Variants in PDE10A observed in about 807,000 individuals in gnomAD.
PDE10A encodes cAMP and cAMP-inhibited cGMP 3',5'-cyclic phosphodiesterase 10A.
In PDE10A, 39 loss-of-function variants were observed where a neutral mutation model predicts 97.7. The observed-to-expected ratio is 0.40, with a 90% CI of 0.31 to 0.52. The LOEUF (loss-of-function observed/expected upper bound fraction) is 0.52. Among genes scored for constraint, PDE10A ranks in the 20% least tolerant of loss-of-function variants. The pLI, the probability that PDE10A is intolerant of heterozygous loss-of-function variation, is 0.56. For synonymous variants in PDE10A, 371 were observed against 376.8 expected, an observed-to-expected ratio of 0.98 and a Z score of 0.18; for missense variants, 731 against 1,047.8, an observed-to-expected ratio of 0.70 and a Z score of 4.17.
rs184310670 is a variant in PDE10A at position 165,469,387 on chromosome 6, G to A, written c.1023+12928C>T. On this transcript the variant is annotated intron_variant, in intron 3 of 21. Transcript: ENST00000539869. ...ATGCTCAGGAAGCCAACATGCTTAGGAGTGACGCTCCACACGGGTTTCTGA... is the reference window on the plus strand; with the variant it reads ...ATGCTCAGGAAGCCAACATGCTTAGAAGTGACGCTCCACACGGGTTTCTGA... Among the ~76,000 whole-genome samples the A allele has an allele frequency of 3.7e-4, 57 of 152,316 alleles. 1 individual carries two copies. Among genetic ancestry groups the A allele is most frequent in the East Asian group, 2.5e-3 (13 of 5,176 alleles).
chr6:165,871,521 A>AT (rs1033608778), intron 1 of PDE10A, among the ~76,000 whole-genome samples: 3 of 152,140 alleles, frequency 2.0e-5, no homozygotes, highest in Non-Finnish European at 4.4e-5. Context: ...GGTGGCACCA[A>AT]TTTTTTCAAG....
intron 2 of PDE10A, among the ~76,000 whole-genome samples, chr6:165,497,287 C>T (rs983037779): frequency 6.6e-6 from 1 of 152,158 alleles, no homozygotes. Flanking sequence ...CATCCCATCA[C>T]CATCAGTGAG....
chr6:165,334,552 G>C (rs975416595), intron 21 of PDE10A, among the ~76,000 whole-genome samples: 3 of 152,226 alleles, frequency 2.0e-5, no homozygotes, highest in Admixed American at 2.0e-4. Flanking sequence ...TTTCTGGACA[G>C]GAAAGGACTT....
chr6:165,336,004 A>G, intron 21 of PDE10A, 119 bp downstream of exon 21: 1 of 829,268 alleles, frequency 1.2e-6, no homozygotes, highest in Non-Finnish European at 2.0e-6. Context: ...CCCTGAGCAC[A>G]ACAACTCGAC....
chr6:165,746,315 G>T (rs139003746), intron 1 of PDE10A, among the ~76,000 whole-genome samples: 1 of 152,212 alleles, frequency 6.6e-6, no homozygotes. Flanking sequence ...TGACACTTGC[G>T]TGGGGTACAT....
Position 165,403,729 on chromosome 6 carries a change from A to G in PDE10A, c.2077-7270T>C, listed in dbSNP as rs550953998. On this transcript the variant is annotated intron_variant, in intron 13 of 21. Transcript: ENST00000539869. ...AATCAAATACATACTCCACATACAT[A>G]CGGGGAACACTGAATAAGAGACCTG... 2.0e-5 allele frequency among the ~76,000 whole-genome samples: 3 copies of G among 152,296 alleles called. No homozygotes were observed. The East Asian group carries it at 5.8e-4, about 29-fold the overall frequency.
At chr6:165,665,331 C>A (rs765637690), upstream of PDE10A, among the ~76,000 whole-genome samples, 4 of 152,236 alleles carry the variant, frequency 2.6e-5, no homozygotes, top group Non-Finnish European at 5.9e-5. Flanking sequence ...CACCCGTGCT[C>A]AGGTGGCTGC....
intron 1 of PDE10A, among the ~76,000 whole-genome samples, chr6:165,957,730 A>G (rs1318151298): frequency 6.6e-6 from 1 of 152,222 alleles, no homozygotes; most frequent in Admixed American, 6.5e-5. Flanking sequence ...CAAGTGTAAG[A>G]AATAACCCCC....
chr6:165,571,288 T>C (rs889031819), intron 1 of PDE10A, among the ~76,000 whole-genome samples: 10 of 152,204 alleles, frequency 6.6e-5, no homozygotes, highest in African/African-American at 2.2e-4. Flanking sequence ...ATTATTTATT[T>C]TACTACATCT....
intron 1 of PDE10A, among the ~76,000 whole-genome samples, chr6:165,839,896 T>TCCTCATCCCCATCCTATCTCCACTTCA (rs1562762551): frequency 2.6e-5 from 4 of 151,390 alleles, no homozygotes; most frequent in East Asian, 3.9e-4. Flanking sequence ...TCCATCCCCA[T>TCCTCATCCCCATCCTATCTCCACTTCA]TCCCATCTCC....
chr6:165,514,524 A>C (rs1348831062), intron 2 of PDE10A, among the ~76,000 whole-genome samples: 1 of 152,180 alleles, frequency 6.6e-6, no homozygotes, highest in Non-Finnish European at 1.5e-5. Context: ...AGCTGTGAAG[A>C]GATGGGGACC....
chr6:165,730,474 G>A (rs147426517), intron 1 of PDE10A, among the ~76,000 whole-genome samples: 51 of 152,276 alleles, frequency 3.3e-4, no homozygotes, highest in African/African-American at 1.2e-3. Context: ...TGACAAGGCC[G>A]GGAGAGGTGA....
At chr6:165,341,799 T>C (rs1781986502) in intron 19 of PDE10A, among the ~76,000 whole-genome samples, 1 of 152,176 alleles carries the variant, frequency 6.6e-6, no homozygotes, top group Admixed American at 6.5e-5. Context: ...CTAAACACAA[T>C]GAAAACTATG....
At chr6:165,625,261 C>G (rs1562640312) in intron 1 of PDE10A, among the ~76,000 whole-genome samples, 1 of 152,196 alleles carries the variant, frequency 6.6e-6, no homozygotes, top group Non-Finnish European at 1.5e-5. Flanking sequence ...AGCAAGGAGC[C>G]AGGCCAAGGC....
At chr6:165,615,906 C>G (rs1309492671) in intron 1 of PDE10A, among the ~76,000 whole-genome samples, 2 of 152,134 alleles carry the variant, frequency 1.3e-5, no homozygotes, top group African/African-American at 4.8e-5. Flanking sequence ...TGCATGAATC[C>G]ACACCCTGAA....
At chr6:165,498,027 T>C (rs1480375710) in intron 2 of PDE10A, among the ~76,000 whole-genome samples, 2 of 152,150 alleles carry the variant, frequency 1.3e-5, no homozygotes, top group African/African-American at 4.8e-5. Context: ...ACTCTTACAA[T>C]GTTTTGTGAC....
intron 2 of PDE10A, among the ~76,000 whole-genome samples, chr6:165,527,013 C>G (rs557509193): frequency 6.6e-6 from 1 of 152,322 alleles, no homozygotes; most frequent in South Asian, 2.1e-4. Flanking sequence ...GTAGCAAACC[C>G]ACTAGACTTA....
intron 1 of PDE10A, among the ~76,000 whole-genome samples, chr6:165,913,875 G>T (rs1047534576): frequency 2.6e-5 from 4 of 152,204 alleles, no homozygotes; most frequent in Non-Finnish European, 5.9e-5. Flanking sequence ...CAAATCTATG[G>T]TTCTTGCAGT....
At chr6:165,769,460 C>A (rs1444072146) in intron 1 of PDE10A, among the ~76,000 whole-genome samples, 2 of 152,028 alleles carry the variant, frequency 1.3e-5, no homozygotes, top group African/African-American at 4.8e-5. Context: ...GCTCTTGGGG[C>A]AATTTGTATT....
Sources: allele counts gnomAD v4.1 joint callset (sites outside exome capture counted in the v4.1 genomes callset), GRCh38; gene constraint gnomAD v4.1.1; transcripts MANE v1.5; gene names NCBI Gene and HGNC (gene_info 2026-07-23, HGNC 2026-07-21).